The following ATP9A variants were observed in gnomAD, a reference collection of about 807,000 sequenced individuals.
The protein encoded by ATP9A is probable phospholipid-transporting ATPase IIA.
ATP9A carries 52 observed loss-of-function variants against 144.1 expected under a neutral mutation model. The ratio of observed to expected loss-of-function variants is 0.36; its 90% CI spans 0.29 to 0.45. The LOEUF is 0.45. Ranked by LOEUF, ATP9A falls within the 20% of genes least tolerant of loss-of-function variation. The pLI, the probability that ATP9A is intolerant of heterozygous loss-of-function variation, is 1.00. For synonymous variants in ATP9A, 582 were observed against 557.4 expected, an observed-to-expected ratio of 1.04 and a Z score of -0.62; for missense variants, 947 against 1,392.7, an observed-to-expected ratio of 0.68 and a Z score of 5.09.
chr20:51,718,364 ATG>A (rs1427045821), intron 3 of ATP9A, among the ~76,000 whole-genome samples: 1 of 141,572 alleles, frequency 7.1e-6, no homozygotes, highest in African/African-American at 2.6e-5. Flanking sequence ...TCATCACCCT[ATG>A]TGTGTGTGGG....
At chr20:51,613,626 T>C in intron 23 of ATP9A, 51 bp downstream of exon 23, 2 of 1,545,434 alleles carry the variant, frequency 1.3e-6, no homozygotes, top group Non-Finnish European at 1.8e-6. Flanking sequence ...CCCACCCACC[T>C]ACATGGTATA....
At chr20:51,646,903 G>C (rs1568801469) in intron 14 of ATP9A, among the ~76,000 whole-genome samples, 1 of 152,026 alleles carries the variant, frequency 6.6e-6, no homozygotes, top group Non-Finnish European at 1.5e-5. Flanking sequence ...GATCACCTGA[G>C]GTATGGAGCC....
At chr20:51,606,003 C>T (rs961205897) in intron 26 of ATP9A, among the ~76,000 whole-genome samples, 1 of 152,066 alleles carries the variant, frequency 6.6e-6, no homozygotes, top group African/African-American at 2.4e-5. Context: ...GTCGCGGTGG[C>T]TTACGCCTGT....
intron 27 of ATP9A, among the ~76,000 whole-genome samples, chr20:51,602,405 G>A (rs978476977): frequency 1.3e-5 from 2 of 152,174 alleles, no homozygotes; most frequent in African/African-American, 4.8e-5. Context: ...ACCCGGTCCT[G>A]TGGTGTGTCC....
chr20:51,672,064 T>C (rs1206720382), intron 11 of ATP9A, among the ~76,000 whole-genome samples: 2 of 152,020 alleles, frequency 1.3e-5, no homozygotes, highest in Non-Finnish European at 2.9e-5. Context: ...CCTCCCAAAG[T>C]GCTGGGACTA....
At chr20:51,626,564 T>C (rs1421052911) in intron 17 of ATP9A, among the ~76,000 whole-genome samples, 1 of 148,374 alleles carries the variant, frequency 6.7e-6, no homozygotes, top group Non-Finnish European at 1.5e-5. Flanking sequence ...TAATCCCAGC[T>C]ACAAGGAGGT....
intron 15 of ATP9A, among the ~76,000 whole-genome samples, chr20:51,632,582 T>C (rs2077274231): frequency 6.6e-6 from 1 of 152,002 alleles, no homozygotes; most frequent in Non-Finnish European, 1.5e-5. Context: ...CAGCCTCTGG[T>C]TGTGACAACC....
chr20:51,625,683 G>A (rs1028744283), intron 17 of ATP9A, among the ~76,000 whole-genome samples: 3 of 152,118 alleles, frequency 2.0e-5, no homozygotes, highest in Admixed American at 6.5e-5. Context: ...TCTCAGGGAC[G>A]GGCACAACCA....
intron 1 of ATP9A, among the ~76,000 whole-genome samples, chr20:51,763,494 A>C (rs2077890892): frequency 6.6e-6 from 1 of 151,502 alleles, no homozygotes; most frequent in Non-Finnish European, 1.5e-5. Flanking sequence ...TTGTATTTTT[A>C]GTAGAGATGG....
At chr20:51,706,499 G>A (rs1444969645) in intron 4 of ATP9A, among the ~76,000 whole-genome samples, 2 of 152,252 alleles carry the variant, frequency 1.3e-5, no homozygotes, top group African/African-American at 4.8e-5. Flanking sequence ...ATTGGCTTAT[G>A]CCTGTAATCC....
chr20:51,680,415 G>A (rs1451988066), intron 9 of ATP9A, among the ~76,000 whole-genome samples: 2 of 151,912 alleles, frequency 1.3e-5, no homozygotes, highest in Admixed American at 6.6e-5. Context: ...TCTAAGAGGT[G>A]GCTGTTCCTC....
chr20:51,613,548 A>C, intron 23 of ATP9A, 129 bp downstream of exon 23: 1 of 1,096,478 alleles, frequency 9.1e-7, no homozygotes, highest in Non-Finnish European at 1.2e-6. Context: ...TCCAAAGCAT[A>C]ATCTAATTCC....
chr20:51,743,756 C>T (rs1309414000), intron 1 of ATP9A, among the ~76,000 whole-genome samples: 1 of 148,322 alleles, frequency 6.7e-6, no homozygotes, highest in Non-Finnish European at 1.5e-5. Flanking sequence ...CGCCTATAAT[C>T]CCAGCACTTT....
chr20:51,602,749 G>A (rs757663141), intron 27 of ATP9A, among the ~76,000 whole-genome samples: 11 of 152,198 alleles, frequency 7.2e-5, no homozygotes, highest in East Asian at 1.9e-4. Context: ...GGGTAAGGTC[G>A]AGTTTCTCTG....
chr20:51,710,528 C>T (rs560568175), intron 4 of ATP9A, among the ~76,000 whole-genome samples: 7 of 152,176 alleles, frequency 4.6e-5, no homozygotes, highest in African/African-American at 1.7e-4. Flanking sequence ...GCCCTCCCCC[C>T]AAAAGCGTAT....
At chr20:51,660,959 A>T (rs1339045411) in intron 13 of ATP9A, among the ~76,000 whole-genome samples, 2 of 152,106 alleles carry the variant, frequency 1.3e-5, no homozygotes, top group African/African-American at 4.8e-5. Flanking sequence ...TTATGGAGGG[A>T]GGGAGGGCAG....
chr20:51,619,564 T>A (rs8117061), intron 19 of ATP9A, among the ~76,000 whole-genome samples: 5,629 of 42,204 alleles, frequency 0.13, 329 homozygotes, highest in African/African-American at 0.31. Flanking sequence ...ACTCGTCTTT[T>A]AAAAAAAAAA....
Position 51,600,289 on chromosome 20 carries a change from A to C in ATP9A, c.*922T>G, listed in dbSNP as rs1274892426. On this transcript the variant is annotated 3_prime_UTR_variant, in exon 28 of 28. Transcript: ENST00000338821. The stretch of plus-strand genomic sequence containing the variant: ...TTCCGCTTTGGTCTTGGAGGATCTG[A>C]GTCACATCTGCCATGTTGCCTAAAG... 6.6e-6 allele frequency: 1 copy of C among 152,194 alleles called. No homozygotes were observed. Among genetic ancestry groups the C allele is most frequent in the Non-Finnish European group, 1.5e-5 (1 of 68,058 alleles). 9.4% of individuals were successfully genotyped at this position (152,194 alleles called of 1,614,324 possible).
intron 1 of ATP9A, among the ~76,000 whole-genome samples, chr20:51,761,250 T>A (rs1309668696): frequency 6.6e-6 from 1 of 152,150 alleles, no homozygotes; most frequent in Non-Finnish European, 1.5e-5. Context: ...TCCTCCACCG[T>A]CAGATAATGA....
Sources: gnomAD v4.1 joint callset for allele counts (sites outside exome capture counted in the v4.1 genomes callset) on GRCh38, gnomAD v4.1.1 for gene constraint, MANE v1.5 for transcripts, NCBI Gene and HGNC (gene_info 2026-07-23, HGNC 2026-07-21) for gene names.